The following MACC1 variants were observed in gnomAD, a reference collection of about 807,000 sequenced individuals.
The protein encoded by MACC1 is metastasis-associated in colon cancer protein 1.
MACC1 carries 79 observed loss-of-function variants against 70.7 expected under a neutral mutation model. The observed-to-expected ratio is 1.12, with a 90% CI of 0.93 to 1.35. The LOEUF is 1.35. Among genes scored for constraint, MACC1 ranks in the 40% most tolerant of loss-of-function variants. The probability of loss-of-function intolerance (pLI) is 0.00; values close to 1 mark genes in which losing one functional copy is unlikely to be tolerated. For missense variants in MACC1, 1,106 were observed against 978.1 expected (o/e 1.13, Z -1.74); for synonymous variants, 361 against 347.2 (o/e 1.04, Z -0.44).
chr7:20,143,279 A>C (rs1050269567), intron 6 of MACC1, among the ~76,000 whole-genome samples: 1 of 152,238 alleles, frequency 6.6e-6, no homozygotes, highest in Non-Finnish European at 1.5e-5. Flanking sequence ...TGATGCAAAA[A>C]ATAGAAACTA....
chr7:20,159,010 C>G lies in MACC1; in HGVS notation c.1351G>C (p.Glu451Gln), dbSNP rs1382147117. 5.6e-6 allele frequency: 9 copies of G among 1,613,976 alleles called. No individual in the cohort carries two copies. The highest frequency in any genetic ancestry group is 1.3e-5 in the African/African-American group (1 of 75,056). Reference sequence around the variant, plus strand: ...TGCTTTTGTTTAATTTCTTTCCTTTCTCCTTCTGTCTTTACTTCAAAATCA... The same window carrying G: ...TGCTTTTGTTTAATTTCTTTCCTTTGTCCTTCTGTCTTTACTTCAAAATCA... Reference protein sequence around the residue: ...DPDFEVKTEGERKEIKQKQLE... With the variant: ...DPDFEVKTEGQRKEIKQKQLE... Residue 451 changes from glutamate to glutamine, a missense_variant, in exon 5 of 7, where the codon GAA becomes CAA. By Grantham distance (29) the Glu-to-Gln change is conservative. Coordinates refer to ENST00000400331, the MANE Select transcript of MACC1 (RefSeq NM_182762.4).
chr7:20,148,835 G>A lies in MACC1; in HGVS notation c.2346+5358C>T, dbSNP rs533110424. Reference sequence around the variant, plus strand: ...TGCCAAATCTCTAGTTCAAACAATGGAGATTTGAGATATCATTCTATACAT... The same window carrying A: ...TGCCAAATCTCTAGTTCAAACAATGAAGATTTGAGATATCATTCTATACAT... On this transcript the variant is annotated intron_variant, in intron 6 of 6. Coordinates refer to ENST00000400331, the MANE Select transcript of MACC1 (RefSeq NM_182762.4). Among the ~76,000 whole-genome samples the A allele has an allele frequency of 5.9e-5, 9 of 152,266 alleles. No homozygotes were observed. In the South Asian group the frequency reaches 1.9e-3, roughly 32 times the overall value.
Position 20,159,030 on chromosome 7 carries a change from A to G in MACC1, c.1331T>C (p.Phe444Ser). The G allele has an allele frequency of 6.2e-7, 1 of 1,613,936 alleles. No homozygotes were observed. Among genetic ancestry groups the G allele is most frequent in the Non-Finnish European group, 8.5e-7 (1 of 1,180,018 alleles). ...CCTTTCTCCTTCTGTCTTTACTTCA[A>G]AATCAGGATCACAGGAAAAAATAGA... Reference protein sequence around the residue: ...SISIFSCDPDFEVKTEGERKE... With the variant: ...SISIFSCDPDSEVKTEGERKE... The change falls in exon 5 of 7, where the codon TTT becomes TCT. Residue 444 changes from phenylalanine (F) to serine (S), a missense_variant. Phe to Ser is a radical substitution (Grantham distance 155). Transcript: ENST00000400331.
At chr7:20,206,629 T>A (rs1044681900) in intron 1 of MACC1, among the ~76,000 whole-genome samples, 1 of 152,236 alleles carries the variant, frequency 6.6e-6, no homozygotes, top group Admixed American at 6.5e-5. Context: ...AGATTATAGC[T>A]ACACTGAAGG....
chr7:20,170,196 G>A (rs958497590), intron 2 of MACC1: 1 of 152,222 alleles, frequency 6.6e-6, no homozygotes, highest in African/African-American at 2.4e-5. Flanking sequence ...TCACTGGTCT[G>A]AGCACCATTT....
intron 1 of MACC1, among the ~76,000 whole-genome samples, chr7:20,171,429 T>C (rs1004153973): frequency 4.6e-5 from 7 of 151,612 alleles, no homozygotes; most frequent in Non-Finnish European, 1.0e-4. Context: ...TTTTTTTTTA[T>C]ATTTTTAGTA....
chr7:20,189,124 T>G (rs148130238), intron 1 of MACC1, among the ~76,000 whole-genome samples: 1 of 152,328 alleles, frequency 6.6e-6, no homozygotes, highest in Non-Finnish European at 1.5e-5. Flanking sequence ...CTCATCATCT[T>G]TAGGTATTTG....
chr7:20,203,540 T>A (rs3095011), intron 1 of MACC1, among the ~76,000 whole-genome samples: 81,883 of 152,016 alleles, frequency 0.54, 23,237 homozygotes, highest in East Asian at 0.87. Flanking sequence ...TGAGCTCTGG[T>A]TTCCAGGCAG....
At chr7:20,197,741 GA>G (rs1782776611) in intron 1 of MACC1, among the ~76,000 whole-genome samples, 1 of 152,144 alleles carries the variant, frequency 6.6e-6, no homozygotes, top group Admixed American at 6.5e-5. Flanking sequence ...AGCCCTATTT[GA>G]GCTTCAAATT....
rs754054570 is a variant in MACC1, at chr7:20,135,834, C to A, written c.*5112G>T. On this transcript the variant is annotated 3_prime_UTR_variant, in exon 7 of 7. Coordinates refer to ENST00000400331, the MANE Select transcript of MACC1 (RefSeq NM_182762.4). ...GTTTGTTTTAAACAGCTGGAAGTCA[C>A]CAATTGTTCAAAAACAGTGTGTATT... The A allele has an allele frequency of 2.6e-5, 4 of 151,992 alleles. No individual in the cohort carries two copies. The highest frequency in any genetic ancestry group is 5.9e-5 in the Non-Finnish European group (4 of 68,002). The allele number at this position is 151,992 out of a possible 1,614,324, so 9.4% of individuals were successfully genotyped here.
At chr7:20,153,102 A>C (rs992410894) in intron 6 of MACC1, among the ~76,000 whole-genome samples, 4 of 152,200 alleles carry the variant, frequency 2.6e-5, no homozygotes, top group Non-Finnish European at 5.9e-5. Context: ...CTGAGGGGAA[A>C]GACATCCTCA....
intron 3 of MACC1, among the ~76,000 whole-genome samples, chr7:20,163,413 A>C (rs561134274): frequency 2.6e-5 from 4 of 152,366 alleles, no homozygotes; most frequent in Non-Finnish European, 5.9e-5. Context: ...TTCCAATCCC[A>C]GTTATTTGTT....
intron 1 of MACC1, among the ~76,000 whole-genome samples, chr7:20,214,942 C>G (rs141950283): frequency 6.6e-6 from 1 of 152,222 alleles, no homozygotes; most frequent in East Asian, 1.9e-4. Context: ...GCTTAAAGTT[C>G]CACCACCTCC....
chr7:20,195,074 C>T (rs760853597), intron 1 of MACC1, among the ~76,000 whole-genome samples: 2 of 151,932 alleles, frequency 1.3e-5, no homozygotes, highest in African/African-American at 2.4e-5. Flanking sequence ...TTTTTTTCCT[C>T]CTAATCTTAA....
In MACC1 at chr7:20,158,815, T is replaced by C. The variant is rs747960646; in HGVS notation, c.1546A>G (p.Asn516Asp). The change falls in exon 5 of 7, where the codon AAT (asparagine) becomes GAT (aspartate). Residue 516 changes from asparagine (N) to aspartate (D), a missense_variant. By Grantham distance (23) the Asn-to-Asp change is conservative. Transcript: ENST00000400331. ...TTCTTCTGCAAATAGCCTGGCAGAT[T>C]CGAGAGTCTTTTTAGGTTTGGGGTT... Reference protein sequence around the residue: ...DPTPNLKRLSNLPGYLQKKEE... With the variant: ...DPTPNLKRLSDLPGYLQKKEE... The C allele has an allele frequency of 6.2e-7, 1 of 1,614,148 alleles. No homozygotes were observed. The highest frequency in any genetic ancestry group is 2.2e-5 in the East Asian group (1 of 44,876).
At chr7:20,208,548 G>A (rs1249897244) in intron 1 of MACC1, among the ~76,000 whole-genome samples, 5 of 152,144 alleles carry the variant, frequency 3.3e-5, no homozygotes, top group Non-Finnish European at 7.3e-5. Flanking sequence ...TTGAACTTGA[G>A]AGAGATAATT....
chr7:20,165,167 G>C (rs1782195204), intron 2 of MACC1, among the ~76,000 whole-genome samples: 1 of 152,118 alleles, frequency 6.6e-6, no homozygotes, highest in Non-Finnish European at 1.5e-5. Flanking sequence ...TGTCCTTCAA[G>C]GTAGTTGTTC....
At chr7:20,216,896 C>CT (rs1783078671) in intron 1 of MACC1, among the ~76,000 whole-genome samples, 1 of 152,170 alleles carries the variant, frequency 6.6e-6, no homozygotes, top group Admixed American at 6.6e-5. Context: ...CTGATTGCAA[C>CT]TTTATCTATC....
chr7:20,169,603 G>A (rs1192388906), intron 2 of MACC1, among the ~76,000 whole-genome samples: 3 of 152,186 alleles, frequency 2.0e-5, no homozygotes, highest in Admixed American at 1.3e-4. Flanking sequence ...CTCACTGGTT[G>A]TCATCAGTCA....
Sources: allele counts gnomAD v4.1 joint callset (sites outside exome capture counted in the v4.1 genomes callset), GRCh38; gene constraint gnomAD v4.1.1; transcripts MANE v1.5; gene names NCBI Gene and HGNC (gene_info 2026-07-23, HGNC 2026-07-21).